Variants in SORBS3 observed in about 807,000 individuals in gnomAD.
The protein encoded by SORBS3 is sorbin and SH3 domain containing 3.
Under a neutral mutation model 98.0 loss-of-function variants are expected in SORBS3, and 69 were observed. That is an observed-to-expected ratio of 0.70 (90% CI 0.58 to 0.86). SORBS3 has a LOEUF of 0.86. Among genes scored for constraint, SORBS3 ranks in the 40% least tolerant of loss-of-function variants. The pLI is 0.00. For missense variants in SORBS3, 954 were observed against 908.5 expected, an observed-to-expected ratio of 1.05 and a Z score of -0.64; for synonymous variants, 394 against 355.4, an observed-to-expected ratio of 1.11 and a Z score of -1.22.
intron 7 of SORBS3, among the ~76,000 whole-genome samples, chr8:22,563,062 T>G (rs1164439066): frequency 1.3e-5 from 2 of 151,366 alleles, no homozygotes; most frequent in African/African-American, 2.4e-5. Context: ...GAGCTTGCAG[T>G]GAGCCGGGAT....
chr8:22,553,378 GC>G (rs962859834), intron 1 of SORBS3, among the ~76,000 whole-genome samples: 1 of 152,234 alleles, frequency 6.6e-6, no homozygotes, highest in African/African-American at 2.4e-5. Flanking sequence ...CTGGGCAGTG[GC>G]AGAGCTTGGC....
At position 22,564,009 on chromosome 8, in the gene SORBS3, G is replaced by A. The variant is rs138898827; in HGVS notation, c.607G>A (p.Glu203Lys). Residue 203 changes from glutamate to lysine, a missense_variant, in exon 8 of 21, where the codon GAG (glutamate) becomes AAG (lysine). Coordinates refer to ENST00000240123, the MANE Select transcript of SORBS3 (RefSeq NM_005775.5). The part of the protein sequence containing the change: ...SSGRSWDHSE[E>K]LPRSTFNYRP... ...TAGAAGAAGCTGGGACCACTCTGAA[G>A]AGTTACCTAGAAGCACCTTCAACTA... The A allele has an allele frequency of 6.6e-5, 106 of 1,613,804 alleles. No homozygotes were observed. Among genetic ancestry groups the A allele is most frequent in the Non-Finnish European group, 8.8e-5 (104 of 1,179,950 alleles).
rs1334960324 is a variant in SORBS3 at position 22,554,761 on chromosome 8, G to A, written c.103-102G>A. The A allele has an allele frequency of 7.9e-6, 11 of 1,384,720 alleles. No individual in the cohort carries two copies. Among genetic ancestry groups the A allele is most frequent in the African/African-American group, 7.1e-5 (5 of 70,156 alleles). The allele number at this position is 1,384,720 out of a possible 1,614,324, so 85.8% of individuals were successfully genotyped here. ...CTGGTTTCCCACAAAATCGTCAGGC[G>A]GGCCTGGGACTGTCACCGAGGGGTG... On this transcript the variant is annotated intron_variant, in intron 2 of 20. Transcript: ENST00000240123. This position sits in a 1 kb window ranked among gnomAD's most constrained non-coding sequence, Gnocchi z 6.5.
At chr8:22,560,168 G>C (rs1840263347) in intron 5 of SORBS3, among the ~76,000 whole-genome samples, 1 of 152,048 alleles carries the variant, frequency 6.6e-6, no homozygotes, top group Non-Finnish European at 1.5e-5. Context: ...CATGGGAATA[G>C]ATGGCGTTTT....
intron 17 of SORBS3, 85 bp downstream of exon 17, chr8:22,569,358 T>G: frequency 6.8e-6 from 8 of 1,179,830 alleles, no homozygotes; most frequent in Non-Finnish European, 9.1e-6. Flanking sequence ...TTTTTTTTTT[T>G]GAGACAGAGT....
rs200266411 is a variant in SORBS3, at chr8:22,561,931, G to C, written c.584G>C (p.Gly195Ala). 6.2e-7 allele frequency: 1 copy of C among 1,613,936 alleles called. No homozygotes were observed. Among genetic ancestry groups the C allele is most frequent in the Admixed American group, 1.7e-5 (1 of 60,018 alleles). The change falls in exon 7 of 21, where the codon GGA becomes GCA. Residue 195 changes from glycine to alanine, a missense_variant and splice_region_variant. Gly to Ala is a moderately conservative substitution (Grantham distance 60, BLOSUM62 0). Coordinates refer to ENST00000240123, the MANE Select transcript of SORBS3 (RefSeq NM_005775.5). Reference protein sequence around the residue: ...HRPGPATSSSGRSWDHSEELP... With the variant: ...HRPGPATSSSARSWDHSEELP... Reference sequence around the variant, plus strand: ...CCCGGCCCGGCAACATCTTCCAGTGGGTGAGCACAGTGGGGCGGGGCCGAG... The same window carrying C: ...CCCGGCCCGGCAACATCTTCCAGTGCGTGAGCACAGTGGGGCGGGGCCGAG...
chr8:22,554,331 A>C lies in SORBS3; in HGVS notation c.-55-121A>C. ...CTGTTTCCTGGGTCCTTGAGCTAGT[A>C]CCCAGCTGGTCCTGACCCCCTCCCA... On this transcript the variant is annotated intron_variant, in intron 1 of 20. Transcript: ENST00000240123. The surrounding 1 kb of genome is among the most constrained non-coding windows in gnomAD (Gnocchi z 6.5). 1.9e-6 allele frequency: 2 copies of C among 1,030,472 alleles called. No individual in the cohort carries two copies. The highest frequency in any genetic ancestry group is 1.4e-6 in the Non-Finnish European group (1 of 740,006). The allele number at this position is 1,030,472 out of a possible 1,614,324, so 63.8% of individuals were successfully genotyped here. A position where few individuals can be genotyped will look rare whatever the true frequency, so the allele number is the denominator to read the frequency against.
Position 22,570,927 on chromosome 8 carries a change from G to GATCCGC in SORBS3, c.1451_1456dup (p.Ile484_Arg485dup). 6.2e-7 allele frequency: 1 copy of GATCCGC among 1,604,416 alleles called. No homozygotes were observed. Among genetic ancestry groups the GATCCGC allele is most frequent in the Admixed American group, 1.7e-5 (1 of 59,594 alleles). Reference sequence around the variant, plus strand: ...CCCCTCAGGGAGAGCACATCTGCCTGATCCGCAAGGTGAACGAGAACTGGT... The same window carrying GATCCGC: ...CCCCTCAGGGAGAGCACATCTGCCTGATCCGCATCCGCAAGGTGAACGAGAACTGGT... On this transcript the variant is annotated inframe_insertion, in exon 18 of 21. Transcript: ENST00000240123.
chr8:22,558,094 G>A (rs1411004604), intron 4 of SORBS3, 35 bp from the exon 5 acceptor site: 4 of 1,608,524 alleles, frequency 2.5e-6, no homozygotes, highest in South Asian at 2.2e-5. Context: ...GGGTGAATAA[G>A]CAGGGAGGAC....
intron 12 of SORBS3, 55 bp from the exon 13 acceptor site, chr8:22,566,290 C>A (rs1840417382): frequency 6.3e-7 from 1 of 1,585,814 alleles, no homozygotes; most frequent in Non-Finnish European, 8.6e-7. Context: ...CTAGGGGTGA[C>A]CAGGGTGGGG....
chr8:22,569,490 C>A (rs1479229472), intron 17 of SORBS3, among the ~76,000 whole-genome samples: 1 of 152,138 alleles, frequency 6.6e-6, no homozygotes, highest in East Asian at 1.9e-4. Context: ...CAGGCACGCG[C>A]CACAACACCC....
In SORBS3 at chr8:22,571,059, C is replaced by T; in HGVS notation, c.1581C>T (p.Leu527=). Residue 527 remains leucine, a synonymous_variant, in exon 18 of 21, where the codon CTC becomes CTT. Coordinates refer to ENST00000240123, the MANE Select transcript of SORBS3 (RefSeq NM_005775.5). ...RLRLCDDGPQ[L]PTSPRLTAAA... is the part of the protein sequence containing the mutation. ...GGCTCTGTGACGACGGCCCCCAGCT[C>T]CCCACGTCTCCCCGCCTGACCGCTG... The T allele has an allele frequency of 6.2e-7, 1 of 1,612,994 alleles. No individual in the cohort carries two copies. The highest frequency in any genetic ancestry group is 1.3e-5 in the African/African-American group (1 of 74,996).
rs1332455500 is a variant in SORBS3 at position 22,554,547 on chromosome 8, T to A, written c.41T>A (p.Leu14Gln). ...CGCAGCCTCCGCGCTGGGCTCAGCC[T>A]GGACGACTTCATCCCTGGCCACCTC... ...PPRSLRAGLS[L>Q]DDFIPGHLQS... Residue 14 changes from leucine to glutamine, a missense_variant, in exon 2 of 21, where the codon CTG (leucine) becomes CAG (glutamine). By Grantham distance (113) the Leu-to-Gln change is moderately radical. Transcript: ENST00000240123. The surrounding 1 kb of genome is among the most constrained non-coding windows in gnomAD (Gnocchi z 6.5). 6.2e-7 allele frequency: 1 copy of A among 1,612,868 alleles called. No homozygotes were observed. The highest frequency in any genetic ancestry group is 8.5e-7 in the Non-Finnish European group (1 of 1,179,982).
upstream of SORBS3, among the ~76,000 whole-genome samples, chr8:22,547,743 T>C (rs2117183789): frequency 6.6e-6 from 1 of 152,368 alleles, no homozygotes; most frequent in East Asian, 1.9e-4. Flanking sequence ...GTTTCATCTT[T>C]CCTGAGAACT....
chr8:22,572,792 G>A (rs377749885), intron 20 of SORBS3, among the ~76,000 whole-genome samples: 22 of 152,200 alleles, frequency 1.4e-4, no homozygotes, highest in Non-Finnish European at 2.9e-4. Flanking sequence ...AGCTCCTGGT[G>A]GAAAGGACCA....
At chr8:22,561,582 C>T in intron 6 of SORBS3, 2 of 621,902 alleles carry the variant, frequency 3.2e-6, no homozygotes, top group Non-Finnish European at 5.7e-6. Context: ...AACGCGCGCT[C>T]TGCCACTCCC....
chr8:22,561,842 T>C, intron 6 of SORBS3, 23 bp from the exon 7 acceptor site: 1 of 1,611,312 alleles, frequency 6.2e-7, no homozygotes, highest in Non-Finnish European at 8.5e-7. Context: ...CTTCAATGCT[T>C]TCCTCGTGTA....
chr8:22,561,870 A>G lies in SORBS3; in HGVS notation c.523A>G (p.Arg175Gly). ...CTCGTGTACCTCCTCTGCAGACCCC[A>G]GGCATCTAGGAGCCCAGCAAAGACC... ...WTFEEPPRDP[R>G]HLGAQQRPAH... is the part of the protein sequence containing the mutation. Residue 175 changes from arginine to glycine, a missense_variant, in exon 7 of 21, where the codon AGG becomes GGG. Transcript: ENST00000240123. 1.9e-6 allele frequency: 3 copies of G among 1,613,982 alleles called. No individual in the cohort carries two copies. The highest frequency in any genetic ancestry group is 2.2e-5 in the South Asian group (2 of 91,066).
At chr8:22,561,757 G>A in intron 6 of SORBS3, 108 bp from the exon 7 acceptor site, 1 of 998,492 alleles carries the variant, frequency 1.0e-6, no homozygotes, top group Admixed American at 1.9e-5. Flanking sequence ...CCACCCAGGA[G>A]CAAGGGGGTG....
Sources: allele counts gnomAD v4.1 joint callset (sites outside exome capture counted in the v4.1 genomes callset), GRCh38; gene constraint gnomAD v4.1.1; non-coding constraint Gnocchi (gnomAD v3.1); transcripts MANE v1.5; gene names NCBI Gene and HGNC (gene_info 2026-07-23, HGNC 2026-07-21).